Variants in AKAP9 observed in about 807,000 individuals in gnomAD.
AKAP9 encodes the protein A-kinase anchor protein 9.
AKAP9 carries 311 observed loss-of-function variants against 488.5 expected under a neutral mutation model. The ratio of observed to expected loss-of-function variants is 0.64; its 90% CI spans 0.58 to 0.70. The LOEUF is 0.70. AKAP9 is among the 30% of genes least tolerant of loss of function. AKAP9 has a pLI of 0.00. For missense variants in AKAP9, 4,215 were observed against 4,374.5 expected (o/e 0.96, Z 1.03); for synonymous variants, 1,462 against 1,483.5 (o/e 0.99, Z 0.33).
At chr7:92,082,703 C>T in intron 32 of AKAP9, 41 bp downstream of exon 32, 1 of 1,604,926 alleles carries the variant, frequency 6.2e-7, no homozygotes, top group Non-Finnish European at 8.5e-7. Context: ...TCATTTCTAC[C>T]TATCTTAATT....
At chr7:91,964,918 G>A (rs1025592526) in intron 1 of AKAP9, among the ~76,000 whole-genome samples, 2 of 152,088 alleles carry the variant, frequency 1.3e-5, no homozygotes, top group Non-Finnish European at 2.9e-5. Context: ...TTATTGTTAT[G>A]TAATGTATAT....
chr7:92,096,075 C>T (rs959921100), intron 40 of AKAP9, among the ~76,000 whole-genome samples: 5 of 152,054 alleles, frequency 3.3e-5, no homozygotes, highest in African/African-American at 4.8e-5. Context: ...CTTATCAAAA[C>T]GTAAGATCTC....
At chr7:92,098,329 CT>C in intron 43 of AKAP9, 115 bp downstream of exon 43, 1 of 627,396 alleles carries the variant, frequency 1.6e-6, no homozygotes, top group East Asian at 2.9e-5. Flanking sequence ...TTATTTGTAT[CT>C]TTTTATTTAT....
At position 92,038,422 on chromosome 7, in the gene AKAP9, A is replaced by G. The variant is rs150379637; in HGVS notation, c.4342A>G (p.Ile1448Val). Residue 1448 changes from isoleucine to valine, a missense_variant, in exon 17 of 50, where the codon ATT becomes GTT. By Grantham distance (29) the Ile-to-Val change is conservative. This residue lies in a region of AKAP9 where 2,361 missense variants were observed against 2,430.0 expected (regional missense o/e 0.97). Transcript: ENST00000356239. Reference sequence around the variant, plus strand: ...TTGTTTGCTTTTATTTCTTTAGGTTATTGTGTCAATGAGTATAGCATTTGC... The same window carrying G: ...TTGTTTGCTTTTATTTCTTTAGGTTGTTGTGTCAATGAGTATAGCATTTGC... ...EQLEEEVAKVIVSMSIAFAQQ... is the reference protein window; with the variant it reads ...EQLEEEVAKVVVSMSIAFAQQ... 7.8e-4 allele frequency: 1,262 copies of G among 1,608,302 alleles called. 2 individuals are homozygous for G. Among genetic ancestry groups the G allele is most frequent in the Admixed American group, 1.2e-3 (69 of 59,974 alleles).
chr7:92,060,760 T>C (rs1221053324), intron 22 of AKAP9, among the ~76,000 whole-genome samples: 1 of 152,160 alleles, frequency 6.6e-6, no homozygotes, highest in Non-Finnish European at 1.5e-5. Context: ...TTTCATTTTG[T>C]TGTGCTACTA....
intron 27 of AKAP9, 109 bp downstream of exon 27, chr7:92,070,315 C>A: frequency 8.5e-7 from 1 of 1,181,418 alleles, no homozygotes; most frequent in Non-Finnish European, 1.3e-6. Flanking sequence ...TCTCTGTTGA[C>A]ATTGTAACCA....
intron 33 of AKAP9, 38 bp from the exon 34 acceptor site, chr7:92,084,602 A>G (rs748438573): frequency 6.6e-7 from 1 of 1,519,672 alleles, no homozygotes; most frequent in Admixed American, 1.7e-5. Context: ...TTTTTATTAA[A>G]GCAAAAAATA....
chr7:92,087,445 C>T (rs1814750291), intron 37 of AKAP9, among the ~76,000 whole-genome samples: 1 of 152,098 alleles, frequency 6.6e-6, no homozygotes, highest in African/African-American at 2.4e-5. Context: ...AACTTAAACA[C>T]TTGGGTGAAA....
intron 14 of AKAP9, among the ~76,000 whole-genome samples, chr7:92,028,916 A>C (rs186234796): frequency 6.6e-6 from 1 of 152,332 alleles, no homozygotes; most frequent in Admixed American, 6.5e-5. Context: ...TCAAATGGCC[A>C]TCATTAGGGG....
chr7:91,979,195 C>T (rs1017776530), intron 2 of AKAP9, among the ~76,000 whole-genome samples: 12 of 151,874 alleles, frequency 7.9e-5, no homozygotes, highest in African/African-American at 1.9e-4. Flanking sequence ...ACAGACATAC[C>T]GGAGACTAGG....
intron 8 of AKAP9, among the ~76,000 whole-genome samples, chr7:92,005,384 C>T (rs761640297): frequency 2.0e-5 from 3 of 152,020 alleles, no homozygotes; most frequent in Non-Finnish European, 2.9e-5. Flanking sequence ...TGTAAAGACA[C>T]GGGTAAGTTT....
chr7:92,063,588 A>G (rs1038980011), intron 24 of AKAP9: 27 of 680,246 alleles, frequency 4.0e-5, no homozygotes, highest in Non-Finnish European at 4.7e-5. Context: ...GCCAACTAAC[A>G]TCTCTAGTTT....
intron 4 of AKAP9, among the ~76,000 whole-genome samples, chr7:91,992,671 A>AC (rs1268063201): frequency 4.3e-5 from 6 of 139,850 alleles, no homozygotes; most frequent in South Asian, 2.3e-4. Flanking sequence ...CAAAAAAAAA[A>AC]AAAAAAAAAA....
Position 91,940,898 on chromosome 7 carries a change from C to G in AKAP9, c.-202C>G. The G allele has an allele frequency of 1.7e-6, 1 of 598,134 alleles. No homozygotes were observed. Among genetic ancestry groups the G allele is most frequent in the Non-Finnish European group, 3.0e-6 (1 of 333,280 alleles). The allele number at this position is 598,134 out of a possible 1,614,324, so 37.1% of individuals were successfully genotyped here. On this transcript the variant is annotated 5_prime_UTR_variant, in exon 1 of 50. Coordinates refer to ENST00000356239, the MANE Select transcript of AKAP9 (RefSeq NM_005751.5). Reference sequence around the variant, plus strand: ...GAGACGAAGATGGCGGCGGCGGCGGCGGTGACGGCGCTTCCCGTGCGGCTG... The same window carrying G: ...GAGACGAAGATGGCGGCGGCGGCGGGGGTGACGGCGCTTCCCGTGCGGCTG...
In AKAP9 at chr7:92,042,112, G is replaced by A. The variant is rs770041008; in HGVS notation, c.4984G>A (p.Ala1662Thr). The change falls in exon 19 of 50, where the codon GCA (alanine) becomes ACA (threonine). Residue 1662 changes from alanine to threonine, a missense_variant. Around this residue, in one of 5 missense-constraint regions of AKAP9, gnomAD observed 2,361 missense variants for 2,430.0 expected, o/e 0.97. Transcript: ENST00000356239. ...GAGGGTGCTTTTAGAGGAGCTGGAA[G>A]CACTAAAGCAGCTGTCTTTAGCTGG... ...RERVLLEELE[A>T]LKQLSLAGRE... is the part of the protein sequence containing the mutation. The A allele has an allele frequency of 1.2e-6, 2 of 1,614,024 alleles. No homozygotes were observed. Among genetic ancestry groups the A allele is most frequent in the South Asian group, 1.1e-5 (1 of 91,078 alleles).
intron 1 of AKAP9, among the ~76,000 whole-genome samples, chr7:91,946,551 T>C (rs764588068): frequency 6.6e-6 from 1 of 152,080 alleles, no homozygotes; most frequent in Non-Finnish European, 1.5e-5. Flanking sequence ...GTTAAAATTT[T>C]TTTGTAGAGA....
intron 15 of AKAP9, among the ~76,000 whole-genome samples, chr7:92,030,631 G>T (rs1804065239): frequency 7.9e-6 from 1 of 125,794 alleles, no homozygotes; most frequent in Non-Finnish European, 1.6e-5. Flanking sequence ...GACAGAACAA[G>T]ACTGTCGCCA....
intron 21 of AKAP9, among the ~76,000 whole-genome samples, chr7:92,050,703 A>C (rs1257243666): frequency 6.6e-6 from 1 of 152,144 alleles, no homozygotes; most frequent in Non-Finnish European, 1.5e-5. Context: ...AAATGTATCT[A>C]CTTCCAAGGT....
intron 1 of AKAP9, among the ~76,000 whole-genome samples, chr7:91,959,760 A>G (rs975615771): frequency 3.9e-5 from 6 of 152,212 alleles, no homozygotes; most frequent in African/African-American, 1.2e-4. Context: ...ATTATAGGCT[A>G]TAAGTAGGAC....
Sources: allele counts gnomAD v4.1 joint callset (sites outside exome capture counted in the v4.1 genomes callset), GRCh38; gene constraint gnomAD v4.1.1; regional missense constraint gnomAD v4.1.1; transcripts MANE v1.5; gene names NCBI Gene and HGNC (gene_info 2026-07-23, HGNC 2026-07-21).